The following NAV3 variants were observed in gnomAD, a reference collection of about 807,000 sequenced individuals.
The protein encoded by NAV3 is pore membrane and/or filament interacting like protein 1.
A neutral mutation model predicts 244.7 loss-of-function variants in NAV3; 87 were observed. The observed-to-expected ratio is 0.36, with a 90% CI of 0.30 to 0.42. NAV3 has a LOEUF of 0.42. Ranked by LOEUF, NAV3 falls within the 20% of genes least tolerant of loss-of-function variation. The probability of loss-of-function intolerance (pLI) is 1.00; values close to 1 mark genes in which losing one functional copy is unlikely to be tolerated. For missense variants in NAV3, 2,663 were observed against 2,893.3 expected (o/e 0.92, Z 1.83); for synonymous variants, 1,126 against 1,042.2 (o/e 1.08, Z -1.55).
At chr12:77,629,833 A>G (rs1240413780) in intron 2 of NAV3, among the ~76,000 whole-genome samples, 1 of 152,098 alleles carries the variant, frequency 6.6e-6, no homozygotes, top group Non-Finnish European at 1.5e-5. Context: ...ACCACGTTGA[A>G]AATTGGAACA....
At chr12:77,722,196 A>T (rs1361545303) in intron 2 of NAV3, among the ~76,000 whole-genome samples, 1 of 152,210 alleles carries the variant, frequency 6.6e-6, no homozygotes, top group East Asian at 1.9e-4. Flanking sequence ...GTAGAAGGAA[A>T]GGTATAAAAA....
intron 2 of NAV3, among the ~76,000 whole-genome samples, chr12:77,650,483 T>C (rs1278318767): frequency 6.6e-6 from 1 of 152,120 alleles, no homozygotes; most frequent in African/African-American, 2.4e-5. Flanking sequence ...GGAGGTACAG[T>C]TGGAAGCTTT....
At chr12:78,165,954 C>T (rs1423793519) in intron 23 of NAV3, among the ~76,000 whole-genome samples, 3 of 127,366 alleles carry the variant, frequency 2.4e-5, no homozygotes, top group Non-Finnish European at 5.1e-5. Context: ...ACTAGGTGAT[C>T]AGACACCCTC....
At chr12:78,194,608 A>G (rs1959123663) in intron 34 of NAV3, among the ~76,000 whole-genome samples, 2 of 151,994 alleles carry the variant, frequency 1.3e-5, no homozygotes, top group African/African-American at 2.4e-5. Flanking sequence ...ATGTTAAATC[A>G]CCATTGTGAC....
At chr12:77,844,033 G>A (rs896842339) in intron 1 of NAV3, among the ~76,000 whole-genome samples, 12 of 152,164 alleles carry the variant, frequency 7.9e-5, no homozygotes, top group Non-Finnish European at 2.9e-5. Context: ...CTGAGCTGTT[G>A]AGCTGTTAAG....
chr12:78,159,322 G>T, intron 23 of NAV3, 36 bp downstream of exon 23: 1 of 1,534,240 alleles, frequency 6.5e-7, no homozygotes, highest in Non-Finnish European at 9.0e-7. Flanking sequence ...ACTGAAAGAA[G>T]ACAGCAAATT....
intron 2 of NAV3, among the ~76,000 whole-genome samples, chr12:77,708,140 A>G (rs1044270282): frequency 6.6e-6 from 1 of 152,194 alleles, no homozygotes; most frequent in Non-Finnish European, 1.5e-5. Context: ...GCCCATGACT[A>G]TGTCCTGAAT....
At chr12:77,794,113 A>C (rs1233196030) in intron 2 of NAV3, among the ~76,000 whole-genome samples, 1 of 152,056 alleles carries the variant, frequency 6.6e-6, no homozygotes, top group African/African-American at 2.4e-5. Context: ...TGGCCATGTA[A>C]ATGTCTTCTT....
intron 2 of NAV3, among the ~76,000 whole-genome samples, chr12:77,667,881 C>G (rs993532105): frequency 6.6e-6 from 1 of 152,178 alleles, no homozygotes; most frequent in African/African-American, 2.4e-5. Context: ...ACAACCAAGA[C>G]TCACAGAGTC....
At chr12:78,195,486 A>G (rs574125245) in intron 34 of NAV3, among the ~76,000 whole-genome samples, 159 of 151,938 alleles carry the variant, frequency 1.0e-3, no homozygotes, top group Non-Finnish European at 2.1e-3. Flanking sequence ...CACTTAGCAC[A>G]CTGTATTGTG....
intron 2 of NAV3, among the ~76,000 whole-genome samples, chr12:77,821,593 A>G (rs1407628178): frequency 6.6e-6 from 1 of 152,270 alleles, no homozygotes; most frequent in African/African-American, 2.4e-5. Flanking sequence ...CATTTTTATG[A>G]TACCTTTTGA....
At chr12:77,698,360 C>T (rs547369074) in intron 2 of NAV3, among the ~76,000 whole-genome samples, 102 of 152,050 alleles carry the variant, frequency 6.7e-4, no homozygotes, top group Non-Finnish European at 1.2e-3. Flanking sequence ...ACTATTATTC[C>T]AATTATATCA....
chr12:78,174,870 T>C (rs1958155149), intron 24 of NAV3, among the ~76,000 whole-genome samples: 1 of 152,034 alleles, frequency 6.6e-6, no homozygotes, highest in African/African-American at 2.4e-5. Context: ...AATGGAAAGT[T>C]AATACATTTG....
intron 19 of NAV3, among the ~76,000 whole-genome samples, chr12:78,139,048 A>C (rs948534812): frequency 3.9e-5 from 6 of 152,174 alleles, no homozygotes; most frequent in African/African-American, 1.4e-4. Flanking sequence ...CCTATGGTAC[A>C]TCAGGGTAAC....
intron 2 of NAV3, among the ~76,000 whole-genome samples, chr12:77,756,913 C>G (rs1384000565): frequency 1.3e-5 from 2 of 152,088 alleles, no homozygotes; most frequent in African/African-American, 4.8e-5. Context: ...TAGAATCCCC[C>G]AATCTCACCC....
At position 78,073,465 on chromosome 12, in the gene NAV3, G is replaced by A. The variant is rs1424631375; in HGVS notation, c.2636+14350G>A. Among the ~76,000 whole-genome samples, 5 of 152,144 alleles carry A rather than the reference G, an allele frequency of 3.3e-5. No homozygotes were observed. The South Asian group carries it at 1.0e-3, about 32-fold the overall frequency. ...GCTTCAAAGAGAATAAAATACCTAG[G>A]AATCCAACTTAACAAGGGACGTGAA... On this transcript the variant is annotated intron_variant, in intron 12 of 39. Transcript: ENST00000397909.
At position 78,050,788 on chromosome 12, in the gene NAV3, C is replaced by G. The variant is rs2137245054; in HGVS notation, c.2157C>G (p.Ser719Arg). 6 of 1,604,716 alleles carry G rather than the reference C, an allele frequency of 3.7e-6. No individual in the cohort carries two copies. Among genetic ancestry groups the G allele is most frequent in the Non-Finnish European group, 5.1e-6 (6 of 1,173,000 alleles). The part of the protein sequence containing the change: ...SHSTLETTFD[S>R]TVTTEVNGRT... ...GCACCCTGGAGACAACATTTGACAGCACTGTGACAACAGAAGTTAATGGAA... is the reference window on the plus strand; with the variant it reads ...GCACCCTGGAGACAACATTTGACAGGACTGTGACAACAGAAGTTAATGGAA... Residue 719 changes from serine to arginine, a missense_variant, in exon 11 of 40, where the codon AGC becomes AGG. By Grantham distance (110) the Ser-to-Arg change is moderately radical. Transcript: ENST00000397909.
chr12:78,175,203 G>A, intron 24 of NAV3, 103 bp from the exon 25 acceptor site: 8 of 1,284,280 alleles, frequency 6.2e-6, no homozygotes, highest in Non-Finnish European at 8.6e-6. Flanking sequence ...ACAAAGCCTT[G>A]TTGACCTTTA....
At chr12:77,959,551 G>A (rs778496174) in intron 3 of NAV3, among the ~76,000 whole-genome samples, 28 of 151,928 alleles carry the variant, frequency 1.8e-4, no homozygotes, top group Non-Finnish European at 3.4e-4. Flanking sequence ...ATTGTGCTAA[G>A]TGTTTTACAT....
Sources: gnomAD v4.1 joint callset for allele counts (sites outside exome capture counted in the v4.1 genomes callset) on GRCh38, gnomAD v4.1.1 for gene constraint, MANE v1.5 for transcripts, NCBI Gene and HGNC (gene_info 2026-07-23, HGNC 2026-07-21) for gene names.